EXOC6B: variants seen among roughly 807,000 people sequenced by gnomAD.
The protein encoded by EXOC6B is SEC15 homolog B.
Under a neutral mutation model 113.5 loss-of-function variants are expected in EXOC6B, and 54 were observed. The ratio of observed to expected loss-of-function variants is 0.48; its 90% CI spans 0.38 to 0.60. EXOC6B has a LOEUF of 0.60. EXOC6B is among the 20% of genes least tolerant of loss of function. The pLI, the probability that EXOC6B is intolerant of heterozygous loss-of-function variation, is 0.00. For missense variants in EXOC6B, 797 were observed against 977.5 expected (o/e 0.82, Z 2.46); for synonymous variants, 357 against 339.0 (o/e 1.05, Z -0.58).
chr2:72,726,818 T>G (rs193167076), intron 5 of EXOC6B, among the ~76,000 whole-genome samples: 1 of 152,138 alleles, frequency 6.6e-6, no homozygotes, highest in Non-Finnish European at 1.5e-5. Flanking sequence ...TAAAATACAG[T>G]CAGCCCTTCA....
chr2:72,213,481 G>T (rs140048963), intron 20 of EXOC6B, among the ~76,000 whole-genome samples: 4 of 152,298 alleles, frequency 2.6e-5, no homozygotes, highest in Non-Finnish European at 5.9e-5. Flanking sequence ...GCAATCTGTG[G>T]TATCAACTTC....
chr2:72,749,652 T>C (rs1023460088), intron 1 of EXOC6B, among the ~76,000 whole-genome samples: 4 of 152,102 alleles, frequency 2.6e-5, no homozygotes, highest in Admixed American at 2.0e-4. Flanking sequence ...AGAGACTGTG[T>C]ATTAAGTATT....
At chr2:72,733,549 T>G (rs1159593973) in intron 2 of EXOC6B, among the ~76,000 whole-genome samples, 1 of 152,190 alleles carries the variant, frequency 6.6e-6, no homozygotes, top group Non-Finnish European at 1.5e-5. Context: ...GTTTGCTTAT[T>G]ATCTTATTTT....
At chr2:72,365,303 T>C (rs1690553462) in intron 19 of EXOC6B, among the ~76,000 whole-genome samples, 1 of 151,764 alleles carries the variant, frequency 6.6e-6, no homozygotes, top group Non-Finnish European at 1.5e-5. Flanking sequence ...CTGGTTATGA[T>C]AAACTAATAG....
intron 1 of EXOC6B, among the ~76,000 whole-genome samples, chr2:72,769,609 C>T (rs368253200): frequency 1.1e-4 from 16 of 152,228 alleles, no homozygotes; most frequent in African/African-American, 2.6e-4. Context: ...GTCAGGAATT[C>T]GAGACCAGCC....
chr2:72,278,326 C>G (rs1684926736), intron 20 of EXOC6B, among the ~76,000 whole-genome samples: 1 of 152,140 alleles, frequency 6.6e-6, no homozygotes, highest in Non-Finnish European at 1.5e-5. Flanking sequence ...TCTCAACTTT[C>G]CTTAATGAGA....
intron 1 of EXOC6B, among the ~76,000 whole-genome samples, chr2:72,757,878 G>A (rs1317331853): frequency 6.6e-6 from 1 of 151,926 alleles, no homozygotes. Flanking sequence ...ACATACATAT[G>A]GGCCAGGCAC....
intron 1 of EXOC6B, among the ~76,000 whole-genome samples, chr2:72,789,746 A>G (rs772692392): frequency 6.6e-6 from 1 of 152,192 alleles, no homozygotes; most frequent in Non-Finnish European, 1.5e-5. Flanking sequence ...AAAAATGTAT[A>G]TAGATAAGTA....
At chr2:72,457,451 A>C (rs1487474624) in intron 18 of EXOC6B, among the ~76,000 whole-genome samples, 4 of 152,090 alleles carry the variant, frequency 2.6e-5, no homozygotes, top group African/African-American at 9.7e-5. Context: ...TTCCACGCTT[A>C]ACCCACAAAC....
Position 72,306,643 on chromosome 2 carries a change from T to G in EXOC6B, c.2196+28304A>C, listed in dbSNP as rs865909910. Among the ~76,000 whole-genome samples, 6 of 152,220 alleles carry G rather than the reference T, an allele frequency of 3.9e-5. 1 individual carries two copies. The South Asian group carries it at 1.2e-3, about 31-fold the overall frequency. On this transcript the variant is annotated intron_variant, in intron 20 of 21. Transcript: ENST00000272427. ...CCCTCTTTAAGTAATTTTATAAAGA[T>G]AAAGGTTATTTTCAGGTCAAAAATA...
At chr2:72,691,300 T>C (rs1426622133) in intron 6 of EXOC6B, among the ~76,000 whole-genome samples, 2 of 152,066 alleles carry the variant, frequency 1.3e-5, no homozygotes, top group African/African-American at 4.8e-5. Context: ...CAATCCAGCC[T>C]GGATTTTAGA....
intron 1 of EXOC6B, among the ~76,000 whole-genome samples, chr2:72,819,047 C>G (rs999688563): frequency 3.9e-5 from 6 of 152,196 alleles, no homozygotes; most frequent in African/African-American, 1.4e-4. Flanking sequence ...GTCTATATTG[C>G]TGCCTGCTGT....
intron 1 of EXOC6B, among the ~76,000 whole-genome samples, chr2:72,813,738 G>A (rs1362333797): frequency 6.6e-6 from 1 of 152,132 alleles, no homozygotes; most frequent in Admixed American, 6.6e-5. Context: ...CATATTGCTT[G>A]ATAAGACCAC....
chr2:72,657,596 T>G (rs71416756), intron 6 of EXOC6B, among the ~76,000 whole-genome samples: 2 of 128,740 alleles, frequency 1.6e-5, no homozygotes, highest in African/African-American at 5.6e-5. Flanking sequence ...TTTTTTTTTG[T>G]GGAGCTTTTG....
chr2:72,643,833 AT>A (rs1268018667), intron 6 of EXOC6B, among the ~76,000 whole-genome samples: 1 of 150,686 alleles, frequency 6.6e-6, no homozygotes, highest in Non-Finnish European at 1.5e-5. Context: ...AAATAAATAA[AT>A]AAAAAAGAAA....
intron 6 of EXOC6B, among the ~76,000 whole-genome samples, chr2:72,677,970 T>G (rs942227385): frequency 6.6e-6 from 1 of 152,268 alleles, no homozygotes; most frequent in South Asian, 2.1e-4. Flanking sequence ...TTAGTGACAA[T>G]AGAGGATTGC....
intron 6 of EXOC6B, among the ~76,000 whole-genome samples, chr2:72,692,954 T>C (rs935411160): frequency 1.3e-5 from 2 of 152,214 alleles, no homozygotes; most frequent in Admixed American, 1.3e-4. Context: ...AAACAGATTA[T>C]CAACTCCCCT....
intron 1 of EXOC6B, among the ~76,000 whole-genome samples, chr2:72,756,155 C>G (rs2104877655): frequency 6.6e-6 from 1 of 152,146 alleles, no homozygotes; most frequent in Non-Finnish European, 1.5e-5. Flanking sequence ...ATAAAAGTAG[C>G]CAAGAACTCT....
chr2:72,711,544 T>A (rs546464676), intron 6 of EXOC6B, among the ~76,000 whole-genome samples: 4 of 152,258 alleles, frequency 2.6e-5, no homozygotes, highest in Admixed American at 6.5e-5. Context: ...CCTGAAACCA[T>A]GGATAGTACC....
Sources: allele counts gnomAD v4.1 joint callset (sites outside exome capture counted in the v4.1 genomes callset), GRCh38; gene constraint gnomAD v4.1.1; transcripts MANE v1.5; gene names NCBI Gene and HGNC (gene_info 2026-07-23, HGNC 2026-07-21).